CMIP: variants seen among roughly 807,000 people sequenced by gnomAD.
CMIP encodes the protein C-Maf-inducing protein.
CMIP carries 13 observed loss-of-function variants against 97.3 expected under a neutral mutation model. The ratio of observed to expected loss-of-function variants is 0.13; its 90% CI spans 0.09 to 0.21. CMIP has a LOEUF of 0.21. CMIP is among the 10% of genes least tolerant of loss of function. The probability of loss-of-function intolerance (pLI) is 1.00; values close to 1 mark genes in which losing one functional copy is unlikely to be tolerated. For synonymous variants in CMIP, 538 were observed against 436.3 expected, an observed-to-expected ratio of 1.23 and a Z score of -2.91; for missense variants, 847 against 1,024.9, an observed-to-expected ratio of 0.83 and a Z score of 2.37.
In CMIP at chr16:81,591,191, TC is replaced by T. The variant is rs2091461640; in HGVS notation, c.301-16375del. 3.3e-5 allele frequency among the ~76,000 whole-genome samples: 5 copies of T among 152,338 alleles called. No individual in the cohort carries two copies. The South Asian group carries it at 1.0e-3, about 32-fold the overall frequency. ...TCTTCTGTGGGCCTCAGTTTTCTCA[TC>T]TATAAAATGGGATCATAATGGTACC... On this transcript the variant is annotated intron_variant, in intron 1 of 20. Coordinates refer to ENST00000537098, the MANE Select transcript of CMIP (RefSeq NM_198390.3).
chr16:81,705,969 G>A (rs1908092697), intron 19 of CMIP, among the ~76,000 whole-genome samples: 1 of 152,274 alleles, frequency 6.6e-6, no homozygotes, highest in Middle Eastern at 3.4e-3. Flanking sequence ...CTGGGGGCTG[G>A]TCAGAAATGT....
intron 1 of CMIP, among the ~76,000 whole-genome samples, chr16:81,459,430 GA>G (rs1906772253): frequency 6.6e-6 from 1 of 152,098 alleles, no homozygotes. Flanking sequence ...CCATTATTTG[GA>G]ATGGGCTCTC....
rs1908739584 is a variant in CMIP, at chr16:81,711,247, A to C, written c.*1448A>C. The C allele has an allele frequency of 1.3e-5, 2 of 152,026 alleles. No homozygotes were observed. The highest frequency in any genetic ancestry group is 2.9e-5 in the Non-Finnish European group (2 of 67,990). The allele number at this position is 152,026 out of a possible 1,614,324, so 9.4% of individuals were successfully genotyped here. A position where few individuals can be genotyped will look rare whatever the true frequency, so the allele number is the denominator to read the frequency against. Reference sequence around the variant, plus strand: ...AATACTTCCCTCCTCCGGCACCTCCAAACCTACCCCACAGTCAGTGTACTT... The same window carrying C: ...AATACTTCCCTCCTCCGGCACCTCCCAACCTACCCCACAGTCAGTGTACTT... On this transcript the variant is annotated 3_prime_UTR_variant, in exon 21 of 21. Transcript: ENST00000537098.
intron 1 of CMIP, among the ~76,000 whole-genome samples, chr16:81,508,331 G>T (rs1465203622): frequency 6.6e-6 from 1 of 152,162 alleles, no homozygotes; most frequent in African/African-American, 2.4e-5. Context: ...TAGGTACATA[G>T]ACGCAAATAC....
rs371132668 is a variant in CMIP at position 81,660,872 on chromosome 16, G to A, written c.682-12G>A. On this transcript the variant is annotated splice_polypyrimidine_tract_variant and intron_variant, in intron 5 of 20. Transcript: ENST00000537098. ...ACCCCACGGTTCCTGATGCTTGTTTGTTGTGTTTCAGGCAATCGCTCCTTT... is the reference window on the plus strand; with the variant it reads ...ACCCCACGGTTCCTGATGCTTGTTTATTGTGTTTCAGGCAATCGCTCCTTT... 6.6e-5 allele frequency: 107 copies of A among 1,613,710 alleles called. No homozygotes were observed. The highest frequency in any genetic ancestry group is 8.8e-5 in the Non-Finnish European group (104 of 1,179,866).
intron 1 of CMIP, among the ~76,000 whole-genome samples, chr16:81,565,467 C>G (rs2090963151): frequency 6.6e-6 from 1 of 152,210 alleles, no homozygotes; most frequent in African/African-American, 2.4e-5. Context: ...GGGCCGCCAG[C>G]TTCCCCTGGT....
At chr16:81,626,112 A>C (rs1228159969) in intron 3 of CMIP, among the ~76,000 whole-genome samples, 1 of 152,234 alleles carries the variant, frequency 6.6e-6, no homozygotes, top group Non-Finnish European at 1.5e-5. Context: ...TAGGGTGGCC[A>C]CAGCCCCTCG....
At chr16:81,615,528 T>C (rs892147862) in intron 2 of CMIP, among the ~76,000 whole-genome samples, 2 of 135,376 alleles carry the variant, frequency 1.5e-5, no homozygotes, top group African/African-American at 5.7e-5. Flanking sequence ...TGTATGTGTT[T>C]TTGTGTGTGG....
At chr16:81,703,201 C>G (rs1907615139) in intron 17 of CMIP, among the ~76,000 whole-genome samples, 1 of 152,192 alleles carries the variant, frequency 6.6e-6, no homozygotes, top group Middle Eastern at 3.4e-3. Context: ...TAAGAAACTT[C>G]CTGGAAGTTC....
chr16:81,628,903 A>G (rs1345866913), intron 3 of CMIP, among the ~76,000 whole-genome samples: 1 of 151,974 alleles, frequency 6.6e-6, no homozygotes, highest in Non-Finnish European at 1.5e-5. Context: ...TCGGAGGCCG[A>G]GGCGGGAGGA....
intron 1 of CMIP, among the ~76,000 whole-genome samples, chr16:81,555,434 G>A (rs2090742491): frequency 6.6e-6 from 1 of 152,166 alleles, no homozygotes; most frequent in South Asian, 2.1e-4. Context: ...CTCTCAGCAG[G>A]GAATGGGGAC....
intron 1 of CMIP, among the ~76,000 whole-genome samples, chr16:81,469,342 A>G (rs926641374): frequency 6.6e-6 from 1 of 152,238 alleles, no homozygotes; most frequent in Non-Finnish European, 1.5e-5. Flanking sequence ...GACCTTGGTC[A>G]AGTAACTTCA....
intron 1 of CMIP, among the ~76,000 whole-genome samples, chr16:81,463,240 C>G (rs1003412549): frequency 2.6e-5 from 4 of 152,152 alleles, no homozygotes; most frequent in African/African-American, 9.7e-5. Context: ...TCCTCATTGT[C>G]TTTGTTTCTC....
chr16:81,515,192 T>C (rs1021665336), intron 1 of CMIP, among the ~76,000 whole-genome samples: 1 of 152,156 alleles, frequency 6.6e-6, no homozygotes, highest in Non-Finnish European at 1.5e-5. Context: ...AGAAACCTAC[T>C]GGGGGCTGTG....
At chr16:81,669,991 G>A (rs1000303558) in intron 7 of CMIP, 151 bp from the exon 8 acceptor site, 4 of 662,582 alleles carry the variant, frequency 6.0e-6, no homozygotes, top group Non-Finnish European at 1.0e-5. Context: ...CGCCACCTGT[G>A]CTTTCCAGAG....
intron 1 of CMIP, among the ~76,000 whole-genome samples, chr16:81,486,863 A>G (rs953179965): frequency 6.6e-6 from 1 of 152,238 alleles, no homozygotes; most frequent in African/African-American, 2.4e-5. Context: ...TTTTCCCCTC[A>G]TCTCAACCCA....
chr16:81,664,191 C>A, intron 6 of CMIP, 78 bp from the exon 7 acceptor site: 1 of 1,402,134 alleles, frequency 7.1e-7, no homozygotes, highest in African/African-American at 1.4e-5. Context: ...GCTGACTGTC[C>A]CCAGCCCTGC....
At chr16:81,690,087 G>A (rs7404781) in intron 10 of CMIP, among the ~76,000 whole-genome samples, 31,485 of 151,840 alleles carry the variant, frequency 0.21, 3,474 homozygotes, top group Non-Finnish European at 0.25. Context: ...GTCAGGTAGC[G>A]TGATGCCTCT....
At chr16:81,680,064 C>T (rs1311744534) in intron 10 of CMIP, among the ~76,000 whole-genome samples, 6 of 152,170 alleles carry the variant, frequency 3.9e-5, no homozygotes, top group African/African-American at 7.2e-5. Flanking sequence ...CTGGACCTTT[C>T]GGAGGGGTTC....
Sources: allele counts gnomAD v4.1 joint callset (sites outside exome capture counted in the v4.1 genomes callset), GRCh38; gene constraint gnomAD v4.1.1; transcripts MANE v1.5; gene names NCBI Gene and HGNC (gene_info 2026-07-23, HGNC 2026-07-21).